Variants in PSD4 observed in about 807,000 individuals in gnomAD.
PSD4 encodes pleckstrin and Sec7 domain containing 4.
Under a neutral mutation model 112.5 loss-of-function variants are expected in PSD4, and 59 were observed. That is an observed-to-expected ratio of 0.52 (90% confidence interval 0.43 to 0.65). The LOEUF is 0.65. Among genes scored for constraint, PSD4 ranks in the 30% least tolerant of loss-of-function variants. The pLI, the probability that PSD4 is intolerant of heterozygous loss-of-function variation, is 0.00. For missense variants in PSD4, 1,267 were observed against 1,352.6 expected, an observed-to-expected ratio of 0.94 and a Z score of 0.99; for synonymous variants, 533 against 540.0, an observed-to-expected ratio of 0.99 and a Z score of 0.18.
At chr2:113,200,016 G>C (rs926833703) in intron 16 of PSD4, among the ~76,000 whole-genome samples, 1 of 151,986 alleles carries the variant, frequency 6.6e-6, no homozygotes, top group Non-Finnish European at 1.5e-5. Context: ...AGTAGAGACA[G>C]GGGTTCACCA....
At chr2:113,199,510 A>T (rs1379892231) in intron 16 of PSD4, among the ~76,000 whole-genome samples, 1 of 152,228 alleles carries the variant, frequency 6.6e-6, no homozygotes, top group East Asian at 1.9e-4. Context: ...CACCCATAGC[A>T]GATGTTATTT....
At chr2:113,185,165 CTAGGATGTGGGGCTTCT>C in intron 3 of PSD4, 92 bp downstream of exon 3, 1 of 1,588,710 alleles carries the variant, frequency 6.3e-7, no homozygotes. Flanking sequence ...ACCAACAATC[CTAGGATGTGGGGCTTCT>C]CACATCAGGA....
chr2:113,201,834 C>G lies in PSD4; in HGVS notation c.*419C>G, dbSNP rs1573382981. ...GCTTCTGGGGGAGAGCTTGGGGCAGCAGAGGCCCCTGGGCAGCCCAGCCAG... is the reference window on the plus strand; with the variant it reads ...GCTTCTGGGGGAGAGCTTGGGGCAGGAGAGGCCCCTGGGCAGCCCAGCCAG... On this transcript the variant is annotated 3_prime_UTR_variant, in exon 17 of 17. Coordinates refer to ENST00000245796, the MANE Select transcript of PSD4 (RefSeq NM_012455.3). 5.6e-6 allele frequency: 1 copy of G among 178,844 alleles called. No homozygotes were observed. The allele number at this position is 178,844 out of a possible 1,614,324, so 11.1% of individuals were successfully genotyped here. A position where few individuals can be genotyped will look rare whatever the true frequency, so the allele number is the denominator to read the frequency against.
Position 113,207,076 on chromosome 2 carries a change from A to G in PSD4, c.*5661A>G, listed in dbSNP as rs982408640. The G allele has an allele frequency of 1.3e-5, 2 of 152,034 alleles. No homozygotes were observed. Among genetic ancestry groups the G allele is most frequent in the African/African-American group, 4.8e-5 (2 of 41,384 alleles). 9.4% of individuals were successfully genotyped at this position (152,034 alleles called of 1,614,324 possible). ...CAAGATGGCCCCAGGAACTCTCAAG[A>G]TCCATTTTCTTGGTGCAAATATAGC... On this transcript the variant is annotated 3_prime_UTR_variant, in exon 17 of 17. Coordinates refer to ENST00000245796, the MANE Select transcript of PSD4 (RefSeq NM_012455.3).
In PSD4 at chr2:113,186,042, T is replaced by A; in HGVS notation, c.1415T>A (p.Leu472His). The stretch of plus-strand genomic sequence containing the variant: ...TCGTCCCAGGAGGGCAGCCCGCAGC[T>A]TCAACACCACAGCTCAGGCATTTTG... Reference protein sequence around the residue: ...PASSQEGSPQLQHHSSGILPK... With the variant: ...PASSQEGSPQHQHHSSGILPK... Residue 472 changes from leucine (L) to histidine (H), a missense_variant, in exon 5 of 17, where the codon CTT becomes CAT. This residue lies in a region of PSD4 where 723 missense variants were observed against 704.0 expected (regional missense o/e 1.03). Coordinates refer to ENST00000245796, the MANE Select transcript of PSD4 (RefSeq NM_012455.3). The A allele has an allele frequency of 6.2e-7, 1 of 1,614,210 alleles. No individual in the cohort carries two copies.
chr2:113,187,808 A>G (rs181998147), intron 5 of PSD4, among the ~76,000 whole-genome samples: 1 of 152,282 alleles, frequency 6.6e-6, no homozygotes, highest in Admixed American at 6.5e-5. Context: ...CACCCTCTCC[A>G]CCTAACACAG....
intron 10 of PSD4, among the ~76,000 whole-genome samples, chr2:113,195,165 CTT>C (rs10603865): frequency 0.26 from 37,410 of 145,744 alleles, 5,141 homozygotes; most frequent in African/African-American, 0.39. Flanking sequence ...TGGTCATCAT[CTT>C]TTTTTTTTTT....
At chr2:113,189,105 T>C (rs541271260) in intron 5 of PSD4, among the ~76,000 whole-genome samples, 203 of 152,256 alleles carry the variant, frequency 1.3e-3, no homozygotes, top group Non-Finnish European at 2.5e-3. Flanking sequence ...GTGTCATTCT[T>C]ATGCCTTTGC....
At chr2:113,190,200 A>T (rs1688408603) in intron 5 of PSD4, among the ~76,000 whole-genome samples, 3 of 152,150 alleles carry the variant, frequency 2.0e-5, no homozygotes, top group Admixed American at 2.0e-4. Flanking sequence ...GTAAGGTGAG[A>T]GATGAGGATC....
intron 1 of PSD4, 27 bp downstream of exon 1, chr2:113,174,081 G>A (rs528613895): frequency 6.5e-6 from 1 of 153,022 alleles, no homozygotes; most frequent in East Asian, 1.9e-4. Flanking sequence ...TGCCTAGGTT[G>A]GGGCTGGTGG....
intron 2 of PSD4, 70 bp downstream of exon 2, chr2:113,183,582 C>T: frequency 7.3e-7 from 1 of 1,366,794 alleles, no homozygotes; most frequent in African/African-American, 1.5e-5. Flanking sequence ...CCTCGGGGGT[C>T]ACCAGGCCCA....
chr2:113,199,263 C>A lies in PSD4; in HGVS notation c.2913+37C>A, dbSNP rs550799485. ...AGCCCACCTCCCCGCCGCTGCGCAG[C>A]GCCCTCTCCGCCCTCTCGTGGCCGC... On this transcript the variant is annotated intron_variant, in intron 16 of 16. Coordinates refer to ENST00000245796, the MANE Select transcript of PSD4 (RefSeq NM_012455.3). 5 of 1,405,182 alleles carry A rather than the reference C, an allele frequency of 3.6e-6. No individual in the cohort carries two copies. In the East Asian group the frequency reaches 9.2e-5, roughly 26 times the overall value. 87.0% of individuals were successfully genotyped at this position (1,405,182 alleles called of 1,614,324 possible). A position where few individuals can be genotyped will look rare whatever the true frequency, so the allele number is the denominator to read the frequency against.
intron 5 of PSD4, among the ~76,000 whole-genome samples, chr2:113,191,688 C>G (rs1040658446): frequency 2.6e-5 from 4 of 152,254 alleles, no homozygotes; most frequent in East Asian, 3.9e-4. Flanking sequence ...GTAATGTTGT[C>G]GGGGAAGCAG....
At chr2:113,196,028 G>A in intron 11 of PSD4, 119 bp from the exon 12 acceptor site, 1 of 1,307,716 alleles carries the variant, frequency 7.6e-7, no homozygotes, top group South Asian at 1.4e-5. Flanking sequence ...CTCCTTGTGG[G>A]GGGTCCTGGG....
intron 1 of PSD4, among the ~76,000 whole-genome samples, chr2:113,179,689 C>T (rs1688076426): frequency 6.6e-6 from 1 of 152,158 alleles, no homozygotes; most frequent in Non-Finnish European, 1.5e-5. Flanking sequence ...TTTACCCAGC[C>T]CCTATTCAAG....
At chr2:113,199,452 C>A (rs1193401926) in intron 16 of PSD4, among the ~76,000 whole-genome samples, 1 of 152,258 alleles carries the variant, frequency 6.6e-6, no homozygotes, top group African/African-American at 2.4e-5. Flanking sequence ...CGCACTTAGG[C>A]CTGTCGCCTC....
At chr2:113,195,918 A>C in intron 11 of PSD4, 148 bp downstream of exon 11, 1 of 1,225,120 alleles carries the variant, frequency 8.2e-7, no homozygotes, top group South Asian at 1.4e-5. Flanking sequence ...CTCTGGGGAG[A>C]GAGCATAGAG....
chr2:113,181,771 A>C (rs1348073517), intron 1 of PSD4, among the ~76,000 whole-genome samples: 1 of 152,210 alleles, frequency 6.6e-6, no homozygotes, highest in Non-Finnish European at 1.5e-5. Context: ...AGGACAAAGA[A>C]GCAGGCTGTG....
In PSD4 at chr2:113,191,404, T is replaced by A. The variant is rs139755481; in HGVS notation, c.1629-976T>A. On this transcript the variant is annotated intron_variant, in intron 5 of 16. Coordinates refer to ENST00000245796, the MANE Select transcript of PSD4 (RefSeq NM_012455.3). ...GATTCTCCTGCCTTAGCCTCCTGAG[T>A]AGCTGGGACTACAGGCATGTGCCAC... 1.9e-3 allele frequency among the ~76,000 whole-genome samples: 296 copies of A among 152,284 alleles called. 1 individual carries two copies. The Middle Eastern group carries it at 0.027, about 14-fold the overall frequency.
Sources: gnomAD v4.1 joint callset for allele counts (sites outside exome capture counted in the v4.1 genomes callset) on GRCh38, gnomAD v4.1.1 for gene constraint, gnomAD v4.1.1 regional missense constraint, MANE v1.5 for transcripts, NCBI Gene and HGNC (gene_info 2026-07-23, HGNC 2026-07-21) for gene names.